The following AHSG variants were observed in gnomAD, a reference collection of about 807,000 sequenced individuals.
The protein encoded by AHSG is alpha 2-HS glycoprotein.
AHSG carries 23 observed loss-of-function variants against 30.1 expected under a neutral mutation model. The ratio of observed to expected loss-of-function variants is 0.76; its 90% CI spans 0.55 to 1.08. The LOEUF is 1.08. Ranked by LOEUF, AHSG falls within the 50% of genes least tolerant of loss-of-function variation. The pLI, the probability that AHSG is intolerant of heterozygous loss-of-function variation, is 0.00. For missense variants in AHSG, 469 were observed against 459.5 expected (o/e 1.02, Z -0.19); for synonymous variants, 164 against 186.3 (o/e 0.88, Z 0.98).
chr3:186,617,177 C>A lies in AHSG; in HGVS notation c.410-10C>A. On this transcript the variant is annotated splice_polypyrimidine_tract_variant and intron_variant, in intron 3 of 6. Transcript: ENST00000411641. ...GGCTGCCCACATCCTGGTTTCCTCTCTCCGAGCAGACTCAGCCGAGGACGT... is the reference window on the plus strand; with the variant it reads ...GGCTGCCCACATCCTGGTTTCCTCTATCCGAGCAGACTCAGCCGAGGACGT... 1 of 1,604,608 alleles carries A rather than the reference C, an allele frequency of 6.2e-7. No individual in the cohort carries two copies. The highest frequency in any genetic ancestry group is 1.1e-5 in the South Asian group (1 of 89,692).
At chr3:186,617,965 TTCTCA>T in intron 4 of AHSG, 1 of 163,074 alleles carries the variant, frequency 6.1e-6, no homozygotes, top group Non-Finnish European at 1.4e-5. Flanking sequence ...GAATATGTGA[TTCTCA>T]GAACATCCCC....
At position 186,620,951 on chromosome 3, in the gene AHSG, G is replaced by A; in HGVS notation, c.*21G>A. The A allele has an allele frequency of 6.3e-7, 1 of 1,596,016 alleles. No individual in the cohort carries two copies. The highest frequency in any genetic ancestry group is 1.1e-5 in the South Asian group (1 of 90,452). On this transcript the variant is annotated 3_prime_UTR_variant, in exon 7 of 7. Transcript: ENST00000411641. Reference sequence around the variant, plus strand: ...TCTAGGCTAGACATGGCAGAGATGAGGAGGTTTGGCACAGAAAACATAGCC... The same window carrying A: ...TCTAGGCTAGACATGGCAGAGATGAAGAGGTTTGGCACAGAAAACATAGCC...
intron 5 of AHSG, 69 bp downstream of exon 5, chr3:186,618,706 A>G: frequency 1.3e-6 from 2 of 1,571,514 alleles, no homozygotes; most frequent in East Asian, 4.6e-5. Flanking sequence ...ACATCCTTGG[A>G]TAGTTTGTAT....
chr3:186,618,733 G>A, intron 5 of AHSG, 96 bp downstream of exon 5: 1 of 1,513,674 alleles, frequency 6.6e-7, no homozygotes, highest in Non-Finnish European at 8.9e-7. Context: ...GCTGCAGACA[G>A]AGAATAACAG....
chr3:186,620,389 G>A (rs1395351750), intron 6 of AHSG, among the ~76,000 whole-genome samples, 197 bp from the exon 7 acceptor site: 1 of 152,136 alleles, frequency 6.6e-6, no homozygotes, highest in Non-Finnish European at 1.5e-5. Context: ...TGAGGCCGGG[G>A]CCAACATAGG....
intron 2 of AHSG, 89 bp downstream of exon 2, chr3:186,615,884 C>A: frequency 1.6e-6 from 2 of 1,217,436 alleles, no homozygotes; most frequent in Non-Finnish European, 1.2e-6. Context: ...CTTGGCTAGC[C>A]AGGGTGCAGT....
At chr3:186,617,532 G>C in intron 4 of AHSG, 182 bp downstream of exon 4, 1 of 1,179,654 alleles carries the variant, frequency 8.5e-7, no homozygotes, top group Non-Finnish European at 1.2e-6. Flanking sequence ...TGAGTGTCAT[G>C]AGGACCCCAA....
In AHSG at chr3:186,613,362, G is replaced by A; in HGVS notation, c.213+8G>A. ...GTAAAGGTGTGGCCTCAGGTAAGTG[G>A]ACCTGCTGTCTATGAGCTGAAATAA... On this transcript the variant is annotated splice_region_variant and intron_variant, in intron 1 of 6. Coordinates refer to ENST00000411641, the MANE Select transcript of AHSG (RefSeq NM_001622.4). 2 of 1,606,052 alleles carry A rather than the reference G, an allele frequency of 1.2e-6. No homozygotes were observed. Among genetic ancestry groups the A allele is most frequent in the Admixed American group, 1.7e-5 (1 of 59,348 alleles).
Position 186,615,750 on chromosome 3 carries a change from C to T in AHSG, c.279C>T (p.Asp93=), listed in dbSNP as rs766995970. ...DTLETTCHVL[D]PTPVARCSVR... ...TGGAAACCACCTGCCATGTGCTGGA[C>T]CCCACCCCTGTGGCAAGATGCAGCG... Residue 93 remains aspartate, a synonymous_variant, in exon 2 of 7, where the codon GAC becomes GAT. Transcript: ENST00000411641. 3.1e-6 allele frequency: 5 copies of T among 1,614,242 alleles called. No homozygotes were observed. In the Middle Eastern group the frequency reaches 8.2e-4, roughly 266 times the overall value.
Position 186,613,216 on chromosome 3 carries a change from G to A in AHSG, c.75G>A (p.Leu25=), listed in dbSNP as rs1185987262. Residue 25 remains leucine, a synonymous_variant, in exon 1 of 7, where the codon CTG becomes CTA. Transcript: ENST00000411641. ...ACTCAGCCCCACATGGCCCAGGGCT[G>A]ATTTATAGACAACCGAACTGCGATG... ...GCHSAPHGPG[L]IYRQPNCDDP... The A allele has an allele frequency of 3.1e-6, 5 of 1,614,144 alleles. No homozygotes were observed. The Admixed American group carries it at 8.3e-5, about 27-fold the overall frequency.
intron 1 of AHSG, among the ~76,000 whole-genome samples, 175 bp downstream of exon 1, chr3:186,613,529 T>C (rs1716208259): frequency 6.6e-6 from 1 of 152,088 alleles, no homozygotes; most frequent in Admixed American, 6.5e-5. Flanking sequence ...ACATTCTGTA[T>C]GGCAGTCATG....
chr3:186,616,568 GA>G (rs1018304137), intron 3 of AHSG, 41 bp downstream of exon 3: 4 of 1,494,370 alleles, frequency 2.7e-6, no homozygotes, highest in African/African-American at 2.8e-5. Flanking sequence ...TCCTTGTAGA[GA>G]AAGTGGGGAA....
chr3:186,619,379 G>A (rs1421214457), intron 5 of AHSG, among the ~76,000 whole-genome samples: 1 of 152,122 alleles, frequency 6.6e-6, no homozygotes, highest in African/African-American at 2.4e-5. Context: ...TGGATATAAA[G>A]AGACCAAAAA....
Position 186,617,180 on chromosome 3 carries a change from CG to C in AHSG, c.410-6del. ...TGCCCACATCCTGGTTTCCTCTCTC[CG>C]AGCAGACTCAGCCGAGGACGTGCGC... On this transcript the variant is annotated splice_region_variant and splice_polypyrimidine_tract_variant and intron_variant, in intron 3 of 6. Coordinates refer to ENST00000411641, the MANE Select transcript of AHSG (RefSeq NM_001622.4). The C allele has an allele frequency of 6.2e-7, 1 of 1,605,738 alleles. No individual in the cohort carries two copies. Among genetic ancestry groups the C allele is most frequent in the Non-Finnish European group, 8.5e-7 (1 of 1,175,846 alleles).
intron 4 of AHSG, 135 bp from the exon 5 acceptor site, chr3:186,618,401 G>C: frequency 7.1e-7 from 1 of 1,409,742 alleles, no homozygotes; most frequent in Non-Finnish European, 9.5e-7. Context: ...AAGCCATTGA[G>C]GGACATGTCT....
chr3:186,621,186 T>G lies in AHSG; in HGVS notation c.*256T>G. On this transcript the variant is annotated 3_prime_UTR_variant, in exon 7 of 7. Transcript: ENST00000411641. ...TTGACGGTAAGCCACCATGATTGTG[T>G]TCTCTGCCTCTGGTTGACCTTACAA... The G allele has an allele frequency of 2.1e-6, 1 of 484,328 alleles. No homozygotes were observed. 30.0% of individuals were successfully genotyped at this position (484,328 alleles called of 1,614,324 possible). A position where few individuals can be genotyped will look rare whatever the true frequency, so the allele number is the denominator to read the frequency against.
At chr3:186,617,468 A>G in intron 4 of AHSG, 118 bp downstream of exon 4, 1 of 1,559,108 alleles carries the variant, frequency 6.4e-7, no homozygotes, top group Non-Finnish European at 8.8e-7. Flanking sequence ...TGAGAAAGCA[A>G]GGAGAGGGTT....
Position 186,620,868 on chromosome 3 carries a change from G to T in AHSG, c.1042G>T (p.Gly348Cys). 1 of 1,614,130 alleles carries T rather than the reference G, an allele frequency of 6.2e-7. No homozygotes were observed. Among genetic ancestry groups the T allele is most frequent in the Non-Finnish European group, 8.5e-7 (1 of 1,180,032 alleles). ...ACGCACAGTGGTGCAGCCTAGTGTT[G>T]GTGCTGCTGCTGGGCCAGTGGTTCC... ...KTRTVVQPSV[G>C]AAAGPVVPPC... The change falls in exon 7 of 7, where the codon GGT becomes TGT. Residue 348 changes from glycine to cysteine, a missense_variant. Coordinates refer to ENST00000411641, the MANE Select transcript of AHSG (RefSeq NM_001622.4).
intron 4 of AHSG, 199 bp downstream of exon 4, chr3:186,617,549 C>T: frequency 1.0e-6 from 1 of 983,422 alleles, no homozygotes. Flanking sequence ...CCAACACCCT[C>T]AGCGCCTCCC....
Sources: allele counts gnomAD v4.1 joint callset (sites outside exome capture counted in the v4.1 genomes callset), GRCh38; gene constraint gnomAD v4.1.1; transcripts MANE v1.5; gene names NCBI Gene and HGNC (gene_info 2026-07-23, HGNC 2026-07-21).